Variants in PXK observed in about 807,000 individuals in gnomAD.
PXK encodes the protein PX domain-containing protein kinase-like protein.
Under a neutral mutation model 84.7 loss-of-function variants are expected in PXK, and 35 were observed. The ratio of observed to expected loss-of-function variants is 0.41; its 90% CI spans 0.32 to 0.55. PXK has a LOEUF of 0.55. Among genes scored for constraint, PXK ranks in the 20% least tolerant of loss-of-function variants. PXK has a pLI of 0.21. For synonymous variants in PXK, 253 were observed against 260.8 expected, an observed-to-expected ratio of 0.97 and a Z score of 0.29; for missense variants, 634 against 699.7, an observed-to-expected ratio of 0.91 and a Z score of 1.06.
At chr3:58,351,131 T>C (rs1290430343) in intron 1 of PXK, among the ~76,000 whole-genome samples, 1 of 152,178 alleles carries the variant, frequency 6.6e-6, no homozygotes, top group Non-Finnish European at 1.5e-5. Flanking sequence ...AAAAGGTGCA[T>C]TTATCATTGA....
At chr3:58,405,405 G>A (rs1292525910) in intron 13 of PXK, among the ~76,000 whole-genome samples, 1 of 152,162 alleles carries the variant, frequency 6.6e-6, no homozygotes, top group Non-Finnish European at 1.5e-5. Context: ...TGGCCCGGGC[G>A]TGGTGGCTCA....
intron 17 of PXK, chr3:58,420,408 G>C: frequency 8.2e-7 from 1 of 1,221,156 alleles, no homozygotes. Flanking sequence ...TCCTAGTTTC[G>C]AAGTGAGAAT....
chr3:58,362,351 TA>T (rs1450816190), intron 1 of PXK, among the ~76,000 whole-genome samples: 1 of 152,232 alleles, frequency 6.6e-6, no homozygotes, highest in Non-Finnish European at 1.5e-5. Flanking sequence ...TTTAAGTACA[TA>T]ATTCATTTTG....
At chr3:58,381,122 G>A (rs1441217346) in intron 3 of PXK, among the ~76,000 whole-genome samples, 2 of 151,780 alleles carry the variant, frequency 1.3e-5, no homozygotes, top group Non-Finnish European at 2.9e-5. Context: ...TGTGGCTGGC[G>A]CCTGTAGTCC....
chr3:58,375,740 C>T (rs1355050975), intron 3 of PXK, among the ~76,000 whole-genome samples: 1 of 151,882 alleles, frequency 6.6e-6, no homozygotes, highest in African/African-American at 2.4e-5. Flanking sequence ...GTGAGCGCAC[C>T]CTGACATGGG....
rs964870139 is a variant in PXK, at chr3:58,421,529, G to C, written c.1529-3223G>C. 13 of 931,896 alleles carry C rather than the reference G, an allele frequency of 1.4e-5. No homozygotes were observed. Among genetic ancestry groups the C allele is most frequent in the Non-Finnish European group, 1.7e-5 (13 of 779,492 alleles). The allele number at this position is 931,896 out of a possible 1,614,324, so 57.7% of individuals were successfully genotyped here. ...CGGGAGGCGGAGCTTGCAGTGAGCC[G>C]AGATCGCGCCACTGCACTCCAGCCT... On this transcript the variant is annotated intron_variant, in intron 17 of 17. Coordinates refer to ENST00000356151, the MANE Select transcript of PXK (RefSeq NM_017771.5). The surrounding 1 kb of genome is among the most constrained non-coding windows in gnomAD (Gnocchi z 5.5).
intron 1 of PXK, 139 bp from the exon 2 acceptor site, chr3:58,365,735 C>T (rs951129245): frequency 3.3e-6 from 2 of 597,756 alleles, no homozygotes; most frequent in Non-Finnish European, 5.6e-6. Context: ...TATGTAATGT[C>T]CCTTTCTCTC....
At position 58,411,429 on chromosome 3, in the gene PXK, T is replaced by C. The variant is rs2060185118; in HGVS notation, c.1465+1270T>C. Among the ~76,000 whole-genome samples the C allele has an allele frequency of 6.6e-6, 1 of 152,108 alleles. No homozygotes were observed. The highest frequency in any genetic ancestry group is 2.4e-5 in the African/African-American group (1 of 41,430). ...CCAATGAGGACCAGCGCAGGCTCCT[T>C]GGGGGTGAATGCTGTTGTGGCTGGT... On this transcript the variant is annotated intron_variant, in intron 16 of 17. Transcript: ENST00000356151. The surrounding 1 kb of genome is among the most constrained non-coding windows in gnomAD (Gnocchi z 4.2).
At chr3:58,358,421 C>A (rs1166919325) in intron 1 of PXK, among the ~76,000 whole-genome samples, 2 of 152,170 alleles carry the variant, frequency 1.3e-5, no homozygotes, top group South Asian at 2.1e-4. Flanking sequence ...AGTAACTAAG[C>A]GCACCCTGTA....
At chr3:58,413,070 C>T in intron 17 of PXK, 107 bp downstream of exon 17, 1 of 1,227,612 alleles carries the variant, frequency 8.1e-7, no homozygotes, top group Non-Finnish European at 1.2e-6. Flanking sequence ...TAGATAGCAG[C>T]AGCTTTCTCA....
chr3:58,358,234 C>T (rs1004446882), intron 1 of PXK, among the ~76,000 whole-genome samples: 1 of 152,160 alleles, frequency 6.6e-6, no homozygotes, highest in Non-Finnish European at 1.5e-5. Flanking sequence ...TGCAGTAGAT[C>T]ACCACAGCAT....
rs1023498548 is a variant in PXK at position 58,385,331 on chromosome 3, G to A, written c.388+2631G>A. On this transcript the variant is annotated intron_variant, in intron 4 of 17. Transcript: ENST00000356151. This position sits in a 1 kb window ranked among gnomAD's most constrained non-coding sequence, Gnocchi z 5.1. Reference sequence around the variant, plus strand: ...TATTTCACCCTTTGAATGAAATTTCGGAGTTTGTCTAGCCTCAAGGCTGAC... The same window carrying A: ...TATTTCACCCTTTGAATGAAATTTCAGAGTTTGTCTAGCCTCAAGGCTGAC... 3.3e-5 allele frequency among the ~76,000 whole-genome samples: 5 copies of A among 152,088 alleles called. No individual in the cohort carries two copies. Among genetic ancestry groups the A allele is most frequent in the Admixed American group, 1.3e-4 (2 of 15,268 alleles).
intron 2 of PXK, among the ~76,000 whole-genome samples, chr3:58,366,168 C>T (rs546556413): frequency 1.6e-4 from 24 of 152,078 alleles, no homozygotes; most frequent in Non-Finnish European, 3.2e-4. Context: ...ATTTGTTCCC[C>T]AGCTCAACCC....
At chr3:58,352,255 AG>A (rs1367187384) in intron 1 of PXK, among the ~76,000 whole-genome samples, 16 of 152,188 alleles carry the variant, frequency 1.1e-4, no homozygotes, top group Non-Finnish European at 1.5e-4. Flanking sequence ...AAAAGGGGGA[AG>A]GTAGAGGAGA....
chr3:58,425,215 C>A lies in PXK; in HGVS notation c.*255C>A. The A allele has an allele frequency of 2.2e-6, 1 of 449,956 alleles. No individual in the cohort carries two copies. Among genetic ancestry groups the A allele is most frequent in the Non-Finnish European group, 4.0e-6 (1 of 251,074 alleles). The allele number at this position is 449,956 out of a possible 1,614,324, so 27.9% of individuals were successfully genotyped here. ...AGGAGTCTTGTTTATCCTCTAATGG[C>A]CAGGCTTTTGGGACAGCAGCATATT... On this transcript the variant is annotated 3_prime_UTR_variant, in exon 18 of 18. Transcript: ENST00000356151.
chr3:58,378,836 G>A (rs908146052), intron 3 of PXK, among the ~76,000 whole-genome samples: 29 of 151,554 alleles, frequency 1.9e-4, no homozygotes, highest in African/African-American at 6.3e-4. Flanking sequence ...GCGCCCAGCC[G>A]GACTTCATTT....
Position 58,379,111 on chromosome 3 carries a change from C to T in PXK, c.202-3403C>T, listed in dbSNP as rs1348573211. 7 of 152,072 alleles carry T rather than the reference C, an allele frequency of 4.6e-5. No individual in the cohort carries two copies. Among genetic ancestry groups the T allele is most frequent in the Middle Eastern group, 3.4e-3 (1 of 294 alleles). The allele number at this position is 152,072 out of a possible 1,614,324, so 9.4% of individuals were successfully genotyped here. A position where few individuals can be genotyped will look rare whatever the true frequency, so the allele number is the denominator to read the frequency against. On this transcript the variant is annotated intron_variant, in intron 3 of 17. Transcript: ENST00000356151. This position sits in a 1 kb window ranked among gnomAD's most constrained non-coding sequence, Gnocchi z 5.1. ...CTAATTTTTGTGTGTTTAGTAGAGACGGAGTTTCACCATGTTGCCCAGGCT... is the reference window on the plus strand; with the variant it reads ...CTAATTTTTGTGTGTTTAGTAGAGATGGAGTTTCACCATGTTGCCCAGGCT...
chr3:58,397,209 C>T lies in PXK; in HGVS notation c.984+9C>T. The T allele has an allele frequency of 3.1e-6, 5 of 1,613,274 alleles. No homozygotes were observed. Among genetic ancestry groups the T allele is most frequent in the African/African-American group, 1.3e-5 (1 of 75,030 alleles). Reference sequence around the variant, plus strand: ...AATTCAGGAAAATCAATGTAAGTTGCTAAAGTAATGAAATAGCAGGTTCAT... The same window carrying T: ...AATTCAGGAAAATCAATGTAAGTTGTTAAAGTAATGAAATAGCAGGTTCAT... On this transcript the variant is annotated intron_variant, in intron 10 of 17. Transcript: ENST00000356151. This position sits in a 1 kb window ranked among gnomAD's most constrained non-coding sequence, Gnocchi z 4.7.
intron 3 of PXK, among the ~76,000 whole-genome samples, chr3:58,377,568 C>A (rs1053406763): frequency 6.7e-6 from 1 of 149,414 alleles, no homozygotes; most frequent in African/African-American, 2.5e-5. Context: ...TACTTGCAAC[C>A]AGGAGTTCAA....
Sources: allele counts gnomAD v4.1 joint callset (sites outside exome capture counted in the v4.1 genomes callset), GRCh38; gene constraint gnomAD v4.1.1; non-coding constraint Gnocchi (gnomAD v3.1); transcripts MANE v1.5; gene names NCBI Gene and HGNC (gene_info 2026-07-23, HGNC 2026-07-21).